DPP6: variants seen among roughly 807,000 people sequenced by gnomAD.
The protein encoded by DPP6 is A-type potassium channel modulatory protein DPP6.
Under a neutral mutation model 122.6 loss-of-function variants are expected in DPP6, and 69 were observed. The ratio of observed to expected loss-of-function variants is 0.56; its 90% CI spans 0.46 to 0.69. The LOEUF is 0.69. DPP6 is among the 30% of genes least tolerant of loss of function. The pLI, the probability that DPP6 is intolerant of heterozygous loss-of-function variation, is 0.00. For synonymous variants in DPP6, 418 were observed against 433.1 expected (o/e 0.97, Z 0.43); for missense variants, 928 against 1,116.9 (o/e 0.83, Z 2.41).
chr7:154,886,072 G>C (rs542778445), intron 22 of DPP6, among the ~76,000 whole-genome samples: 6 of 152,380 alleles, frequency 3.9e-5, no homozygotes, highest in African/African-American at 1.4e-4. Context: ...AGGTGCCACA[G>C]GCCCTGCCGG....
chr7:154,247,982 T>G (rs915230509), intron 1 of DPP6, among the ~76,000 whole-genome samples: 2 of 152,166 alleles, frequency 1.3e-5, no homozygotes, highest in African/African-American at 2.4e-5. Flanking sequence ...AGAAATGTAT[T>G]TCTCACCATT....
At chr7:154,804,380 G>T (rs752746784) in intron 14 of DPP6, among the ~76,000 whole-genome samples, 2 of 152,196 alleles carry the variant, frequency 1.3e-5, no homozygotes, top group South Asian at 4.1e-4. Flanking sequence ...TTTGCTCCAG[G>T]TTATTCAGTT....
At chr7:154,115,653 G>A (rs527697298) in intron 1 of DPP6, among the ~76,000 whole-genome samples, 4 of 152,222 alleles carry the variant, frequency 2.6e-5, no homozygotes, top group African/African-American at 9.6e-5. Context: ...TACTTGTTGC[G>A]GTGTGTCCAT....
At chr7:153,893,717 C>T (rs1375737233) in intron 1 of DPP6, among the ~76,000 whole-genome samples, 1 of 152,208 alleles carries the variant, frequency 6.6e-6, no homozygotes, top group Admixed American at 6.5e-5. Flanking sequence ...AGCAATCTCT[C>T]AACTTAAAAT....
chr7:153,839,586 T>A, the DPP6 span, among the ~76,000 whole-genome samples: 13 of 152,224 alleles, frequency 8.5e-5, no homozygotes, highest in Middle Eastern at 3.2e-3. Flanking sequence ...CTTTCTGAAG[T>A]CACAGCTGCA....
chr7:154,889,722 C>T (rs999715520), intron 25 of DPP6, 192 bp downstream of exon 25: 130 of 851,718 alleles, frequency 1.5e-4, no homozygotes, highest in Admixed American at 2.6e-4. Context: ...ATGATAGCTC[C>T]GCTCTGTACT....
chr7:154,718,389 T>C (rs1316374187), intron 7 of DPP6, among the ~76,000 whole-genome samples: 2 of 152,222 alleles, frequency 1.3e-5, no homozygotes, highest in Non-Finnish European at 2.9e-5. Flanking sequence ...TTGGGTCTTA[T>C]GGCTAAGTCT....
At chr7:154,776,373 G>A (rs1039947577) in intron 10 of DPP6, among the ~76,000 whole-genome samples, 1 of 152,122 alleles carries the variant, frequency 6.6e-6, no homozygotes, top group Non-Finnish European at 1.5e-5. Flanking sequence ...TGCCCAGAGA[G>A]CTCCTCCCCA....
In DPP6 at chr7:154,313,551, T is replaced by A. The variant is rs373480193; in HGVS notation, c.244-132663T>A. 5.9e-5 allele frequency among the ~76,000 whole-genome samples: 9 copies of A among 151,450 alleles called. No individual in the cohort carries two copies. The East Asian group carries it at 1.8e-3, about 30-fold the overall frequency. ...TCAAAATTTTATTTTCTGAATGTGATTATTTAATCTAGGCATGTTTTGATA... is the reference window on the plus strand; with the variant it reads ...TCAAAATTTTATTTTCTGAATGTGAATATTTAATCTAGGCATGTTTTGATA... On this transcript the variant is annotated intron_variant, in intron 1 of 25. Coordinates refer to ENST00000377770, the MANE Select transcript of DPP6 (RefSeq NM_130797.4).
intron 7 of DPP6, among the ~76,000 whole-genome samples, chr7:154,680,915 G>A (rs543293108): frequency 1.8e-3 from 274 of 152,206 alleles, no homozygotes; most frequent in Non-Finnish European, 2.9e-3. Context: ...TATTTTCTGG[G>A]ACTCACTCTC....
chr7:154,405,853 A>G (rs1816043809), intron 1 of DPP6, among the ~76,000 whole-genome samples: 1 of 152,182 alleles, frequency 6.6e-6, no homozygotes, highest in Non-Finnish European at 1.5e-5. Flanking sequence ...TGGGAAAGTA[A>G]TGTGAAGATT....
intron 1 of DPP6, among the ~76,000 whole-genome samples, chr7:154,263,644 C>T (rs1221114215): frequency 2.6e-5 from 4 of 152,244 alleles, no homozygotes; most frequent in South Asian, 2.1e-4. Context: ...AGACCAAACA[C>T]GACTGCATTC....
intron 5 of DPP6, among the ~76,000 whole-genome samples, chr7:154,575,156 C>T (rs1260214471): frequency 4.9e-5 from 3 of 61,260 alleles, no homozygotes; most frequent in Non-Finnish European, 6.7e-5. Context: ...TGTGTGTGGT[C>T]TGTGTGTATG....
intron 1 of DPP6, among the ~76,000 whole-genome samples, chr7:153,941,383 T>G (rs1207012182): frequency 6.6e-6 from 1 of 152,014 alleles, no homozygotes; most frequent in Non-Finnish European, 1.5e-5. Context: ...ATGTCCATGG[T>G]GGGAGGTGGT....
rs568472441 is a variant in DPP6 at position 153,995,024 on chromosome 7, A to G, written c.51+107290A>G. On this transcript the variant is annotated intron_variant, in intron 1 of 25. Coordinates refer to the DPP6 transcript ENST00000404039. ...AAAGTACAATGTCTTTTACATTTAT[A>G]AGTAAATAATTGAGGGACCAGCCTG... is the stretch of plus-strand genomic sequence containing the variant. Among the ~76,000 whole-genome samples, 5 of 152,368 alleles carry G rather than the reference A, an allele frequency of 3.3e-5. No individual in the cohort carries two copies. In the South Asian group the frequency reaches 1.0e-3, roughly 32 times the overall value.
At chr7:154,584,848 C>T (rs75073953) in intron 5 of DPP6, among the ~76,000 whole-genome samples, 3 of 152,196 alleles carry the variant, frequency 2.0e-5, no homozygotes, top group South Asian at 2.1e-4. Context: ...TGCTATTCAT[C>T]GGCCTCTCAT....
chr7:154,337,007 C>T (rs6969895), intron 1 of DPP6, among the ~76,000 whole-genome samples: 10,913 of 152,128 alleles, frequency 0.072, 1,200 homozygotes, highest in African/African-American at 0.24. Flanking sequence ...TGATATTATC[C>T]GGGGCCCGAG....
At chr7:154,116,653 C>A (rs1807008429) in intron 1 of DPP6, among the ~76,000 whole-genome samples, 1 of 152,164 alleles carries the variant, frequency 6.6e-6, no homozygotes, top group Non-Finnish European at 1.5e-5. Context: ...ACCAATCTAC[C>A]TTTACAGAGT....
At chr7:153,845,337 G>A in the DPP6 span, among the ~76,000 whole-genome samples, 1 of 151,842 alleles carries the variant, frequency 6.6e-6, no homozygotes, top group Non-Finnish European at 1.5e-5. Flanking sequence ...TGAAGCCCTC[G>A]TTTCATAAAT....
Sources: gnomAD v4.1 joint callset for allele counts (sites outside exome capture counted in the v4.1 genomes callset) on GRCh38, gnomAD v4.1.1 for gene constraint, MANE v1.5 for transcripts, NCBI Gene and HGNC (gene_info 2026-07-23, HGNC 2026-07-21) for gene names.